The following PPP4R4 variants were observed in gnomAD, a reference collection of about 807,000 sequenced individuals.
PPP4R4 encodes the protein serine/threonine-protein phosphatase 4 regulatory subunit 4.
In PPP4R4, 70 loss-of-function variants were observed where a neutral mutation model predicts 121.8. The ratio of observed to expected loss-of-function variants is 0.57; its 90% confidence interval spans 0.47 to 0.70. The LOEUF (loss-of-function observed/expected upper bound fraction) is 0.70. PPP4R4 is among the 30% of genes least tolerant of loss of function. PPP4R4 has a pLI of 0.00. For synonymous variants in PPP4R4, 348 were observed against 355.7 expected (o/e 0.98, Z 0.24); for missense variants, 875 against 1,033.6 (o/e 0.85, Z 2.10).
intron 2 of PPP4R4, among the ~76,000 whole-genome samples, chr14:94,206,813 G>A (rs1890483752): frequency 1.3e-5 from 2 of 151,882 alleles, no homozygotes; most frequent in Admixed American, 1.3e-4. Flanking sequence ...TCCTCTGGTT[G>A]TTGTAACAAA....
chr14:94,267,097 C>A, intron 23 of PPP4R4, 68 bp downstream of exon 23: 1 of 1,090,722 alleles, frequency 9.2e-7, no homozygotes, highest in Non-Finnish European at 1.4e-6. Context: ...CTTAAATGAC[C>A]TATTTCTTTA....
rs183241691 is a variant in PPP4R4, at chr14:94,263,548, A to G, written c.2128-1330A>G. ...TATTATTTCAGCAGCCTTTCAAAGC[A>G]AGATTAGAATTCAGGATTGCCAGTG... On this transcript the variant is annotated intron_variant, in intron 19 of 24. Transcript: ENST00000304338. 8.5e-4 allele frequency among the ~76,000 whole-genome samples: 130 copies of G among 152,324 alleles called. 2 individuals carry two copies. The highest frequency in any genetic ancestry group is 6.8e-3 in the Middle Eastern group (2 of 294).
intron 9 of PPP4R4, 34 bp downstream of exon 9, chr14:94,240,829 A>G: frequency 6.8e-7 from 1 of 1,462,704 alleles, no homozygotes; most frequent in Non-Finnish European, 9.0e-7. Context: ...GAGACTGTAG[A>G]TAATTTTTCC....
At chr14:94,267,920 T>C (rs1257732926) in intron 23 of PPP4R4, among the ~76,000 whole-genome samples, 4 of 152,188 alleles carry the variant, frequency 2.6e-5, no homozygotes, top group African/African-American at 9.6e-5. Context: ...TGTAAACTGG[T>C]TCATTTGCTG....
intron 2 of PPP4R4, among the ~76,000 whole-genome samples, chr14:94,183,644 C>G (rs2139384055): frequency 6.6e-6 from 1 of 152,238 alleles, no homozygotes; most frequent in South Asian, 2.1e-4. Flanking sequence ...GCAGAATGCT[C>G]TCATGGGATC....
At chr14:94,211,199 C>T (rs1026749491) in intron 3 of PPP4R4, among the ~76,000 whole-genome samples, 1 of 152,054 alleles carries the variant, frequency 6.6e-6, no homozygotes, top group African/African-American at 2.4e-5. Flanking sequence ...GGGGACTTGC[C>T]CTCAAGGAGG....
At chr14:94,253,664 C>A (rs1281340375) in intron 16 of PPP4R4, among the ~76,000 whole-genome samples, 1 of 152,152 alleles carries the variant, frequency 6.6e-6, no homozygotes, top group African/African-American at 2.4e-5. Context: ...TAACTAAGAG[C>A]ATAACATTGA....
chr14:94,235,004 G>A (rs1215530633), intron 7 of PPP4R4, among the ~76,000 whole-genome samples: 1 of 152,092 alleles, frequency 6.6e-6, no homozygotes, highest in Non-Finnish European at 1.5e-5. Flanking sequence ...CATATCCTTG[G>A]GAACTTGGTT....
At chr14:94,241,279 T>C (rs1187023467) in intron 9 of PPP4R4, among the ~76,000 whole-genome samples, 1 of 152,088 alleles carries the variant, frequency 6.6e-6, no homozygotes. Flanking sequence ...AACAATATAT[T>C]ATGAGTTTCT....
intron 2 of PPP4R4, among the ~76,000 whole-genome samples, chr14:94,207,351 T>A (rs1315085905): frequency 2.0e-5 from 3 of 152,094 alleles, no homozygotes; most frequent in East Asian, 3.9e-4. Context: ...ATGAGAACAG[T>A]GGAATGATTA....
At chr14:94,258,904 A>T (rs1893621380) in intron 18 of PPP4R4, 80 bp downstream of exon 18, 2 of 1,299,698 alleles carry the variant, frequency 1.5e-6, no homozygotes, top group African/African-American at 1.5e-5. Flanking sequence ...TGGGCAATTT[A>T]CAAAAGAAAG....
At chr14:94,233,831 T>A in intron 6 of PPP4R4, 72 bp downstream of exon 6, 1 of 1,001,546 alleles carries the variant, frequency 1.0e-6, no homozygotes, top group East Asian at 2.5e-5. Context: ...TGTGTAACAA[T>A]ATATTTGTGT....
intron 1 of PPP4R4, 172 bp from the exon 2 acceptor site, chr14:94,175,882 C>A: frequency 1.6e-6 from 1 of 607,200 alleles, no homozygotes. Flanking sequence ...CAATTAGAGA[C>A]CTCCGTGATT....
intron 3 of PPP4R4, among the ~76,000 whole-genome samples, chr14:94,212,693 T>G (rs555328267): frequency 2.0e-5 from 3 of 152,168 alleles, no homozygotes; most frequent in Non-Finnish European, 4.4e-5. Flanking sequence ...CCACAGTATA[T>G]TAAATTGAAA....
Position 94,256,532 on chromosome 14 carries a change from G to A in PPP4R4, c.1938G>A (p.Gln646=), listed in dbSNP as rs765083504. Residue 646 remains glutamine, a synonymous_variant, in exon 17 of 25, where the codon CAG becomes CAA. Transcript: ENST00000304338. The part of the protein sequence containing the change: ...LKIPADKHLL[Q]QLEMCVRKLL... ...TTCCTGCTGATAAGCATCTACTTCA[G>A]CAGTTAGAAATGTGTGTGAGGAAAC... 5.5e-5 allele frequency: 88 copies of A among 1,602,904 alleles called. 3 individuals are homozygous for A. In the African/African-American group the frequency reaches 8.6e-4, roughly 16 times the overall value.
At chr14:94,199,619 T>C (rs917810607) in intron 2 of PPP4R4, among the ~76,000 whole-genome samples, 5 of 152,126 alleles carry the variant, frequency 3.3e-5, no homozygotes, top group African/African-American at 1.2e-4. Flanking sequence ...TGAGTAGAAG[T>C]AGCTCTCAGC....
chr14:94,184,495 G>A (rs1889155206), intron 2 of PPP4R4, among the ~76,000 whole-genome samples: 1 of 152,086 alleles, frequency 6.6e-6, no homozygotes, highest in Non-Finnish European at 1.5e-5. Flanking sequence ...CTGGCCTCAA[G>A]TGATCCACCT....
chr14:94,231,277 G>A lies in PPP4R4; in HGVS notation c.478G>A (p.Val160Ile). ...TGCATGGCTGGAAACTCTTCTGTCTGTTATAGAAGTATTGCCAAAAGAAAC... is the reference window on the plus strand; with the variant it reads ...TGCATGGCTGGAAACTCTTCTGTCTATTATAGAAGTATTGCCAAAAGAAAC... The part of the protein sequence containing the change: ...SNAWLETLLS[V>I]IEVLPKETLR... The change falls in exon 5 of 25, where the codon GTT becomes ATT. Residue 160 changes from valine to isoleucine, a missense_variant. Physicochemically the swap from Val to Ile is conservative, Grantham distance 29. Transcript: ENST00000304338. 1.9e-6 allele frequency: 3 copies of A among 1,612,448 alleles called. No homozygotes were observed. In the South Asian group the frequency reaches 3.3e-5, roughly 18 times the overall value.
At chr14:94,238,806 CA>C (rs1468388710) in intron 8 of PPP4R4, among the ~76,000 whole-genome samples, 2 of 152,130 alleles carry the variant, frequency 1.3e-5, no homozygotes, top group African/African-American at 2.4e-5. Flanking sequence ...AAGATTATTG[CA>C]ATATGGACAA....
Sources: gnomAD v4.1 joint callset for allele counts (sites outside exome capture counted in the v4.1 genomes callset) on GRCh38, gnomAD v4.1.1 for gene constraint, MANE v1.5 for transcripts, NCBI Gene and HGNC (gene_info 2026-07-23, HGNC 2026-07-21) for gene names.